Variants in PDE1C observed in about 807,000 individuals in gnomAD.
PDE1C encodes the protein dual specificity calcium/calmodulin-dependent 3',5'-cyclic nucleotide phosphodiesterase 1C.
A neutral mutation model predicts 93.1 loss-of-function variants in PDE1C; 62 were observed. The observed-to-expected ratio is 0.67, with a 90% confidence interval of 0.54 to 0.82. The LOEUF (loss-of-function observed/expected upper bound fraction) is 0.82. Ranked by LOEUF, PDE1C falls within the 40% of genes least tolerant of loss-of-function variation. The probability of loss-of-function intolerance (pLI) is 0.00; values close to 1 mark genes in which losing one functional copy is unlikely to be tolerated. For missense variants in PDE1C, 742 were observed against 884.6 expected, an observed-to-expected ratio of 0.84 and a Z score of 2.04; for synonymous variants, 325 against 310.1, an observed-to-expected ratio of 1.05 and a Z score of -0.50.
chr7:32,009,118 C>T (rs1372469182), intron 2 of PDE1C, among the ~76,000 whole-genome samples: 1 of 152,150 alleles, frequency 6.6e-6, no homozygotes, highest in Non-Finnish European at 1.5e-5. Flanking sequence ...AAAACAATGG[C>T]TTTCAAAACA....
At chr7:31,702,549 T>C in the PDE1C span, among the ~76,000 whole-genome samples, 120 of 152,350 alleles carry the variant, frequency 7.9e-4, no homozygotes, top group Non-Finnish European at 1.4e-3. Flanking sequence ...AGGTCCAAAA[T>C]GACTCTTTTC....
intron 2 of PDE1C, among the ~76,000 whole-genome samples, chr7:32,015,986 A>G (rs1787851412): frequency 6.6e-6 from 1 of 152,306 alleles, no homozygotes; most frequent in Non-Finnish European, 1.5e-5. Flanking sequence ...ACGGCTTTCC[A>G]TAAGACACCC....
intron 1 of PDE1C, among the ~76,000 whole-genome samples, chr7:32,359,015 A>G (rs1242787482): frequency 6.6e-6 from 1 of 151,928 alleles, no homozygotes; most frequent in Non-Finnish European, 1.5e-5. Flanking sequence ...CCTGCATCGA[A>G]TCCTGCTAAA....
intron 2 of PDE1C, among the ~76,000 whole-genome samples, chr7:32,037,842 A>T (rs1013497812): frequency 3.9e-5 from 6 of 152,132 alleles, no homozygotes; most frequent in Non-Finnish European, 7.4e-5. Flanking sequence ...CCACTCAGTA[A>T]ACCTGTAGTG....
intron 3 of PDE1C, among the ~76,000 whole-genome samples, chr7:32,155,126 G>A (rs556447991): frequency 3.9e-5 from 6 of 152,320 alleles, no homozygotes; most frequent in Admixed American, 1.3e-4. Context: ...ATCCACAGCA[G>A]CATCAAAACC....
chr7:32,333,382 C>T (rs1783550690), intron 1 of PDE1C, among the ~76,000 whole-genome samples: 1 of 152,152 alleles, frequency 6.6e-6, no homozygotes, highest in Non-Finnish European at 1.5e-5. Context: ...TGTACACACC[C>T]ATGAGCCCCA....
chr7:32,216,944 G>A (rs1219689452), intron 1 of PDE1C, among the ~76,000 whole-genome samples: 1 of 152,160 alleles, frequency 6.6e-6, no homozygotes, highest in African/African-American at 2.4e-5. Flanking sequence ...GTACCAGCCT[G>A]CAGGCAATGG....
intron 2 of PDE1C, among the ~76,000 whole-genome samples, chr7:31,884,001 G>A (rs928800869): frequency 4.6e-5 from 7 of 152,186 alleles, no homozygotes; most frequent in African/African-American, 1.7e-4. Context: ...GATCCAGAGA[G>A]GAAATGACAC....
intron 6 of PDE1C, among the ~76,000 whole-genome samples, chr7:31,868,605 CAA>C (rs1795574387): frequency 6.6e-6 from 1 of 152,018 alleles, no homozygotes; most frequent in Admixed American, 6.6e-5. Context: ...AAAGAGGAAA[CAA>C]AAGAGTCAGA....
intron 2 of PDE1C, among the ~76,000 whole-genome samples, chr7:32,177,249 G>A (rs1190717781): frequency 2.6e-5 from 4 of 152,152 alleles, no homozygotes; most frequent in Non-Finnish European, 5.9e-5. Context: ...TTTTCTTTTG[G>A]AAGTGATTCC....
At chr7:32,354,980 C>T (rs1585122550) in intron 1 of PDE1C, among the ~76,000 whole-genome samples, 1 of 152,336 alleles carries the variant, frequency 6.6e-6, no homozygotes, top group East Asian at 1.9e-4. Context: ...CTCTGGAGGA[C>T]TTCGTCTTGT....
chr7:31,955,014 TG>T (rs1411190138), intron 2 of PDE1C, among the ~76,000 whole-genome samples: 16 of 152,210 alleles, frequency 1.1e-4, no homozygotes, highest in African/African-American at 3.9e-4. Context: ...AGTCTCAAAA[TG>T]TGAATAAATA....
At chr7:32,328,279 T>C (rs1025150091) in intron 1 of PDE1C, among the ~76,000 whole-genome samples, 13 of 152,232 alleles carry the variant, frequency 8.5e-5, no homozygotes, top group African/African-American at 2.9e-4. Context: ...TCTAGTTAAA[T>C]AGCCTTTCAG....
intron 2 of PDE1C, among the ~76,000 whole-genome samples, chr7:31,989,072 AAGAG>A (rs902163969): frequency 2.0e-4 from 30 of 151,270 alleles, no homozygotes; most frequent in Admixed American, 3.9e-4. Flanking sequence ...AGAAGAAAGA[AAGAG>A]AGAGAGAAAG....
the PDE1C span, chr7:31,642,721 G>A: frequency 6.5e-5 from 105 of 1,613,982 alleles, no homozygotes; most frequent in Non-Finnish European, 8.7e-5. Context: ...TGCTGAGAAT[G>A]GAGGTAGAAA....
intron 1 of PDE1C, among the ~76,000 whole-genome samples, chr7:32,273,178 G>T (rs559347621): frequency 4.6e-5 from 7 of 152,290 alleles, no homozygotes; most frequent in African/African-American, 1.7e-4. Flanking sequence ...CAAAAAAGAA[G>T]AGTAGTTACA....
In PDE1C at chr7:31,964,127, C is replaced by T. The variant is rs185232580; in HGVS notation, c.129-83267G>A. Among the ~76,000 whole-genome samples the T allele has an allele frequency of 6.2e-4, 94 of 152,332 alleles. 1 individual carries two copies. The highest frequency in any genetic ancestry group is 1.9e-3 in the African/African-American group (79 of 41,578). On this transcript the variant is annotated intron_variant, in intron 2 of 17. Coordinates refer to ENST00000396191, the MANE Select transcript of PDE1C (RefSeq NM_001191057.4). Reference sequence around the variant, plus strand: ...AAGTGGGGCAAGACAGTGGGTGCAGCGCACCGTGCGTGAGCCAAAGCACGG... The same window carrying T: ...AAGTGGGGCAAGACAGTGGGTGCAGTGCACCGTGCGTGAGCCAAAGCACGG...
chr7:32,413,434 A>G (rs1413280069), intron 1 of PDE1C, among the ~76,000 whole-genome samples: 1 of 152,246 alleles, frequency 6.6e-6, no homozygotes, highest in Non-Finnish European at 1.5e-5. Flanking sequence ...ACACAGATGA[A>G]TCTTTGAGAC....
At chr7:31,692,650 A>G in the PDE1C span, 1 of 791,550 alleles carries the variant, frequency 1.3e-6, no homozygotes, top group Non-Finnish European at 2.1e-6. Context: ...CCTTCTGGTG[A>G]CAGCCAACAC....
Sources: allele counts gnomAD v4.1 joint callset (sites outside exome capture counted in the v4.1 genomes callset), GRCh38; gene constraint gnomAD v4.1.1; transcripts MANE v1.5; gene names NCBI Gene and HGNC (gene_info 2026-07-23, HGNC 2026-07-21).